SEL1L2: variants seen among roughly 807,000 people sequenced by gnomAD.
The protein encoded by SEL1L2 is SEL1L2 adaptor subunit of SYVN1 ubiquitin ligase.
A neutral mutation model predicts 98.8 loss-of-function variants in SEL1L2; 89 were observed. That is an observed-to-expected ratio of 0.90 (90% CI 0.76 to 1.07). SEL1L2 has a LOEUF of 1.07. Among genes scored for constraint, SEL1L2 ranks in the 50% least tolerant of loss-of-function variants. The pLI is 0.00. For synonymous variants in SEL1L2, 262 were observed against 278.5 expected, an observed-to-expected ratio of 0.94 and a Z score of 0.59; for missense variants, 788 against 812.0, an observed-to-expected ratio of 0.97 and a Z score of 0.36.
intron 18 of SEL1L2, among the ~76,000 whole-genome samples, chr20:13,857,446 A>G (rs1989343674): frequency 1.3e-5 from 2 of 152,244 alleles, no homozygotes; most frequent in Admixed American, 6.5e-5. Flanking sequence ...TCCAAAGAGG[A>G]AAACCAAACC....
intron 3 of SEL1L2, among the ~76,000 whole-genome samples, chr20:13,922,356 C>T (rs1250940397): frequency 6.6e-6 from 1 of 152,260 alleles, no homozygotes; most frequent in Non-Finnish European, 1.5e-5. Context: ...GTATTTGAGT[C>T]GATTGCATCT....
chr20:13,849,708 A>G (rs1418217207), intron 19 of SEL1L2, 104 bp from the exon 20 acceptor site: 6 of 1,358,214 alleles, frequency 4.4e-6, no homozygotes, highest in Non-Finnish European at 6.0e-6. Context: ...CCTCCCACCC[A>G]TTCCCTTTGC....
intron 5 of SEL1L2, among the ~76,000 whole-genome samples, chr20:13,889,255 G>A (rs1174563751): frequency 1.3e-5 from 2 of 151,926 alleles, no homozygotes; most frequent in African/African-American, 2.4e-5. Context: ...CAAAGTGCTG[G>A]GATTACAGGC....
chr20:13,861,221 G>A (rs1164818374), intron 17 of SEL1L2, among the ~76,000 whole-genome samples: 1 of 151,652 alleles, frequency 6.6e-6, no homozygotes, highest in Non-Finnish European at 1.5e-5. Context: ...TGTCGCCTAG[G>A]CTGTAGTGCA....
At position 13,865,171 on chromosome 20, in the gene SEL1L2, A is replaced by C; in HGVS notation, c.1641T>G (p.Ile547Met). 3 of 1,611,742 alleles carry C rather than the reference A, an allele frequency of 1.9e-6. No individual in the cohort carries two copies. The highest frequency in any genetic ancestry group is 2.5e-6 in the Non-Finnish European group (3 of 1,178,288). Residue 547 changes from isoleucine (I) to methionine (M), a missense_variant, in exon 17 of 20, where the codon ATT becomes ATG. Coordinates refer to ENST00000284951, the MANE Select transcript of SEL1L2 (RefSeq NM_025229.2). ...ATTTTTATCTGGGTTCCATACCTTG[A>C]ATGGCAGCTCGATTCCATAGGAGAA... ...MALLLWNRAA[I>M]QGNAFARVKI...
At chr20:13,983,829 CT>C (rs1454620914) in intron 1 of SEL1L2, among the ~76,000 whole-genome samples, 1 of 151,740 alleles carries the variant, frequency 6.6e-6, no homozygotes, top group East Asian at 2.0e-4. Flanking sequence ...CCAGCACTAG[CT>C]TTTAAAAAAT....
rs75090894 is a variant in SEL1L2, at chr20:13,950,663, G to A, written c.114+5413C>T. 2.6e-3 allele frequency among the ~76,000 whole-genome samples: 394 copies of A among 152,300 alleles called. 8 individuals carry two copies. The highest frequency in any genetic ancestry group is 0.023 in the East Asian group (120 of 5,180). ...GACTATTGGAAGCAAGAAGATGTAAGTAATGAAACTGAGCTGCTACGATTC... is the reference window on the plus strand; with the variant it reads ...GACTATTGGAAGCAAGAAGATGTAAATAATGAAACTGAGCTGCTACGATTC... On this transcript the variant is annotated intron_variant, in intron 2 of 19. Transcript: ENST00000284951.
chr20:13,975,992 T>TTTTGTTTG lies in SEL1L2; in HGVS notation c.58+14477_58+14484dup, dbSNP rs137916088. ...ATTACAAGCATGAGCCACCAAGGTT[T>TTTTGTTTG]TTTGTTTGTTTGTTTGTTTGTTTGT... On this transcript the variant is annotated intron_variant, in intron 1 of 19. Transcript: ENST00000284951. Among the ~76,000 whole-genome samples, 381 of 150,668 alleles carry TTTTGTTTG rather than the reference T, an allele frequency of 2.5e-3. 1 individual carries two copies. The highest frequency in any genetic ancestry group is 3.7e-3 in the Non-Finnish European group (249 of 67,626).
intron 3 of SEL1L2, among the ~76,000 whole-genome samples, chr20:13,924,984 T>A (rs1197467693): frequency 2.0e-5 from 3 of 151,778 alleles, no homozygotes; most frequent in Admixed American, 1.3e-4. Flanking sequence ...ACTAAAAATA[T>A]AAAAATTAGC....
rs200647485 is a variant in SEL1L2 at position 13,876,020 on chromosome 20, A to G, written c.1104+18T>C. On this transcript the variant is annotated intron_variant, in intron 12 of 19. Transcript: ENST00000284951. ...CAATTTGTGTGTATGTGTTTACAACAGTGCATTGAGGACATACCTTACTGG... is the reference window on the plus strand; with the variant it reads ...CAATTTGTGTGTATGTGTTTACAACGGTGCATTGAGGACATACCTTACTGG... The G allele has an allele frequency of 2.0e-4, 319 of 1,592,096 alleles. No individual in the cohort carries two copies. The Middle Eastern group carries it at 3.0e-3, about 15-fold the overall frequency.
chr20:13,887,631 A>G (rs1407249266), intron 8 of SEL1L2, 138 bp downstream of exon 8: 2 of 590,224 alleles, frequency 3.4e-6, no homozygotes, highest in African/African-American at 1.9e-5. Context: ...TATTATGTTA[A>G]AAGAATTGTA....
At chr20:13,982,538 G>A (rs1210015573) in intron 1 of SEL1L2, among the ~76,000 whole-genome samples, 5 of 138,362 alleles carry the variant, frequency 3.6e-5, no homozygotes, top group Non-Finnish European at 6.2e-5. Flanking sequence ...AGTATATTCC[G>A]AGACAGTAGC....
intron 5 of SEL1L2, among the ~76,000 whole-genome samples, chr20:13,891,771 C>A (rs749036602): frequency 6.6e-6 from 1 of 150,740 alleles, no homozygotes. Flanking sequence ...CCTTCCCAGA[C>A]AAACAAACGC....
chr20:13,956,895 G>A (rs543992397), intron 1 of SEL1L2, among the ~76,000 whole-genome samples: 1 of 152,138 alleles, frequency 6.6e-6, no homozygotes, highest in Non-Finnish European at 1.5e-5. Context: ...CAAATCTGAT[G>A]CATTGTAAAA....
intron 17 of SEL1L2, among the ~76,000 whole-genome samples, chr20:13,860,680 C>T (rs1358610881): frequency 2.0e-5 from 3 of 152,022 alleles, no homozygotes; most frequent in African/African-American, 7.3e-5. Flanking sequence ...TCTCTCACCT[C>T]TCCTCCCCGC....
At chr20:13,927,557 T>C (rs1392092506) in intron 3 of SEL1L2, among the ~76,000 whole-genome samples, 1 of 152,248 alleles carries the variant, frequency 6.6e-6, no homozygotes, top group Non-Finnish European at 1.5e-5. Flanking sequence ...GAACAGATTA[T>C]TATATGTGTT....
At chr20:13,967,162 C>T (rs984939697) in intron 1 of SEL1L2, among the ~76,000 whole-genome samples, 7 of 151,998 alleles carry the variant, frequency 4.6e-5, no homozygotes, top group African/African-American at 1.2e-4. Flanking sequence ...ATTACAGGAG[C>T]CAGCCACTGT....
At chr20:13,988,767 CT>C (rs1235431765) in intron 1 of SEL1L2, among the ~76,000 whole-genome samples, 2 of 152,126 alleles carry the variant, frequency 1.3e-5, no homozygotes, top group Admixed American at 6.5e-5. Flanking sequence ...AATCCCAGCA[CT>C]TTGGCAGGCT....
rs766991921 is a variant in SEL1L2, at chr20:13,886,279, A to G, written c.900+9T>C. 16 of 1,596,012 alleles carry G rather than the reference A, an allele frequency of 1.0e-5. No homozygotes were observed. The Admixed American group carries it at 1.0e-4, about 10-fold the overall frequency. On this transcript the variant is annotated intron_variant, in intron 9 of 19. Transcript: ENST00000284951. ...GTTCTAAAAACTCAATCTCATCTGT[A>G]TACATTACTTGTATCTGAACATCTC...
Sources: gnomAD v4.1 joint callset for allele counts (sites outside exome capture counted in the v4.1 genomes callset) on GRCh38, gnomAD v4.1.1 for gene constraint, MANE v1.5 for transcripts, NCBI Gene and HGNC (gene_info 2026-07-23, HGNC 2026-07-21) for gene names.